Variants in HPGD observed in about 807,000 individuals in gnomAD.
HPGD encodes the protein 15-hydroxyprostaglandin dehydrogenase.
A neutral mutation model predicts 30.0 loss-of-function variants in HPGD; 29 were observed. The ratio of observed to expected loss-of-function variants is 0.97; its 90% CI spans 0.72 to 1.32. The LOEUF (loss-of-function observed/expected upper bound fraction) is 1.32. HPGD is among the 40% of genes most tolerant of loss of function. The probability of loss-of-function intolerance (pLI) is 0.00; values close to 1 mark genes in which losing one functional copy is unlikely to be tolerated. For missense variants in HPGD, 340 were observed against 322.1 expected (o/e 1.06, Z -0.43); for synonymous variants, 99 against 112.4 (o/e 0.88, Z 0.75).
At chr4:174,519,903 G>T (rs960627558) in intron 2 of HPGD, among the ~76,000 whole-genome samples, 3 of 152,106 alleles carry the variant, frequency 2.0e-5, no homozygotes, top group Non-Finnish European at 4.4e-5. Context: ...TCCTGACCTC[G>T]TGATCCGCCC....
chr4:174,522,212 C>T, intron 1 of HPGD, 145 bp from the exon 2 acceptor site: 1 of 1,431,326 alleles, frequency 7.0e-7, no homozygotes, highest in Non-Finnish European at 9.7e-7. Context: ...GAGGTGTGCT[C>T]ACAGCCTCAG....
At chr4:174,497,573 T>C (rs113145014) in intron 4 of HPGD, among the ~76,000 whole-genome samples, 16,983 of 81,946 alleles carry the variant, frequency 0.21, 2,082 homozygotes, top group East Asian at 0.56. Context: ...TCTTTCTTTT[T>C]TTTTTTTTTT....
At chr4:174,500,819 T>C (rs142008513) in intron 4 of HPGD, among the ~76,000 whole-genome samples, 2 of 152,296 alleles carry the variant, frequency 1.3e-5, no homozygotes, top group East Asian at 3.9e-4. Flanking sequence ...TAGATATATG[T>C]TATTATACCT....
intron 3 of HPGD, among the ~76,000 whole-genome samples, chr4:174,510,608 T>C (rs1187361184): frequency 1.3e-5 from 2 of 152,236 alleles, no homozygotes; most frequent in Non-Finnish European, 1.5e-5. Context: ...TATTTATCTT[T>C]AGGTCTTTGG....
chr4:174,498,238 G>A (rs1237824158), intron 4 of HPGD, among the ~76,000 whole-genome samples: 1 of 152,182 alleles, frequency 6.6e-6, no homozygotes, highest in Non-Finnish European at 1.5e-5. Flanking sequence ...CTGAGCCACA[G>A]CACTGGCCCC....
intron 2 of HPGD, among the ~76,000 whole-genome samples, chr4:174,520,517 A>T (rs964057892): frequency 6.6e-6 from 1 of 152,204 alleles, no homozygotes; most frequent in African/African-American, 2.4e-5. Flanking sequence ...TCCAGACAAC[A>T]TGTGGATTTC....
chr4:174,513,426 G>T (rs1043604817), intron 3 of HPGD, among the ~76,000 whole-genome samples: 3 of 151,090 alleles, frequency 2.0e-5, no homozygotes, highest in African/African-American at 7.3e-5. Context: ...TAATAAGTCA[G>T]GGGTATCCTC....
chr4:174,493,815 T>C (rs1207210306), intron 5 of HPGD, among the ~76,000 whole-genome samples: 1 of 152,218 alleles, frequency 6.6e-6, no homozygotes, highest in Non-Finnish European at 1.5e-5. Flanking sequence ...ACTATTGATT[T>C]TATTTGCAAT....
rs28409299 is a variant in HPGD at position 174,496,976 on chromosome 4, G to A, written c.422-1352C>T. Among the ~76,000 whole-genome samples, 565 of 152,276 alleles carry A rather than the reference G, an allele frequency of 3.7e-3. 3 individuals carry two copies. Among genetic ancestry groups the A allele is most frequent in the African/African-American group, 0.013 (525 of 41,558 alleles). Reference sequence around the variant, plus strand: ...TAAGTAAAATGTGTAAGTTAATTAAGTTTGTCAGTGTCAGTCAACAAGAAT... The same window carrying A: ...TAAGTAAAATGTGTAAGTTAATTAAATTTGTCAGTGTCAGTCAACAAGAAT... On this transcript the variant is annotated intron_variant, in intron 4 of 6. Transcript: ENST00000296522. The surrounding 1 kb of genome is among the most constrained non-coding windows in gnomAD (Gnocchi z 4.6).
At chr4:174,495,490 C>T in intron 5 of HPGD, 58 bp downstream of exon 5, 1 of 1,282,058 alleles carries the variant, frequency 7.8e-7, no homozygotes, top group Non-Finnish European at 1.1e-6. Flanking sequence ...CTACAGAATT[C>T]ATGTTTTATA....
intron 3 of HPGD, among the ~76,000 whole-genome samples, chr4:174,512,622 G>T (rs1025537477): frequency 1.3e-5 from 2 of 152,132 alleles, no homozygotes; most frequent in African/African-American, 2.4e-5. Context: ...AATCAAGTTG[G>T]AAGTTAAATT....
intron 4 of HPGD, among the ~76,000 whole-genome samples, chr4:174,506,094 G>T (rs1735173818): frequency 6.6e-6 from 1 of 152,068 alleles, no homozygotes; most frequent in Non-Finnish European, 1.5e-5. Context: ...TAACACCTGG[G>T]GTTGGCGGGA....
intron 4 of HPGD, among the ~76,000 whole-genome samples, chr4:174,505,815 G>A (rs1296623116): frequency 2.0e-5 from 3 of 152,100 alleles, no homozygotes; most frequent in African/African-American, 7.2e-5. Context: ...AATGGAGAGA[G>A]TAGTAAGCCA....
At chr4:174,498,760 G>C (rs1310729182) in intron 4 of HPGD, among the ~76,000 whole-genome samples, 2 of 151,552 alleles carry the variant, frequency 1.3e-5, no homozygotes, top group African/African-American at 4.9e-5. Context: ...TTTAACTGGT[G>C]CTTCTTATGT....
At chr4:174,519,997 TA>T (rs1325791748) in intron 2 of HPGD, among the ~76,000 whole-genome samples, 1 of 152,192 alleles carries the variant, frequency 6.6e-6, no homozygotes, top group Non-Finnish European at 1.5e-5. Flanking sequence ...AAATGTTTCT[TA>T]AAATCTCAAA....
At chr4:174,507,260 G>C (rs1050985037) in intron 4 of HPGD, 8 of 152,150 alleles carry the variant, frequency 5.3e-5, no homozygotes, top group African/African-American at 1.9e-4. Context: ...CTAGGAAAAA[G>C]AATCTGATTA....
At chr4:174,514,041 A>T (rs1735648086) in intron 3 of HPGD, among the ~76,000 whole-genome samples, 1 of 152,222 alleles carries the variant, frequency 6.6e-6, no homozygotes, top group Middle Eastern at 3.4e-3. Context: ...GATATAGATG[A>T]CACCCAAACC....
At chr4:174,518,199 A>T (rs577214924) in intron 2 of HPGD, 122 bp from the exon 3 acceptor site, 39 of 600,942 alleles carry the variant, frequency 6.5e-5, no homozygotes, top group African/African-American at 5.0e-4. Flanking sequence ...TACTAAACTC[A>T]TGGGCTGAGT....
chr4:174,515,509 A>G (rs1283952338), intron 3 of HPGD, among the ~76,000 whole-genome samples: 4 of 152,144 alleles, frequency 2.6e-5, no homozygotes, highest in Non-Finnish European at 5.9e-5. Flanking sequence ...GTAAAACCTA[A>G]AACTATACAA....
Sources: gnomAD v4.1 joint callset for allele counts (sites outside exome capture counted in the v4.1 genomes callset) on GRCh38, gnomAD v4.1.1 for gene constraint, Gnocchi (gnomAD v3.1) non-coding constraint, MANE v1.5 for transcripts, NCBI Gene and HGNC (gene_info 2026-07-23, HGNC 2026-07-21) for gene names.